Variants in MAGI1 observed in about 807,000 individuals in gnomAD.
MAGI1 encodes membrane-associated guanylate kinase, WW and PDZ domain-containing protein 1.
MAGI1 carries 58 observed loss-of-function variants against 139.9 expected under a neutral mutation model. The ratio of observed to expected loss-of-function variants is 0.41; its 90% CI spans 0.34 to 0.52. The LOEUF (loss-of-function observed/expected upper bound fraction) is 0.52, where lower values mean the gene tolerates loss of function less well. Ranked by LOEUF, MAGI1 falls within the 20% of genes least tolerant of loss-of-function variation. The pLI, the probability that MAGI1 is intolerant of heterozygous loss-of-function variation, is 0.12. For synonymous variants in MAGI1, 812 were observed against 737.9 expected (o/e 1.10, Z -1.63); for missense variants, 1,874 against 1,901.6 (o/e 0.99, Z 0.27).
chr3:65,412,960 A>C (rs1018466327), intron 12 of MAGI1, among the ~76,000 whole-genome samples: 1 of 152,156 alleles, frequency 6.6e-6, no homozygotes, highest in Non-Finnish European at 1.5e-5. Context: ...ATTCTTTGAG[A>C]TCTAAATCTT....
At position 65,491,722 on chromosome 3, in the gene MAGI1, A is replaced by AGACCT. The variant is rs560989707; in HGVS notation, c.550+1785_550+1789dup. 9.8e-5 allele frequency among the ~76,000 whole-genome samples: 14 copies of AGACCT among 143,024 alleles called. No individual in the cohort carries two copies. In the South Asian group the frequency reaches 3.1e-3, roughly 32 times the overall value. 93.8% of individuals were successfully genotyped at this position (143,024 alleles called of 152,430 possible). ...CCCTCCCTTCCCTCTATACACTCCT[A>AGACCT]GACCTCGATTACTCTCAGACCCCTG... is the stretch of plus-strand genomic sequence containing the variant. On this transcript the variant is annotated intron_variant, in intron 3 of 22. Coordinates refer to ENST00000402939, the MANE Select transcript of MAGI1 (RefSeq NM_001033057.2).
intron 11 of MAGI1, among the ~76,000 whole-genome samples, 198 bp downstream of exon 11, chr3:65,430,501 C>G (rs574136743): frequency 1.3e-5 from 2 of 152,274 alleles, no homozygotes; most frequent in South Asian, 4.2e-4. Context: ...AATGACTTCA[C>G]AGGTTTTAAT....
At chr3:65,680,258 C>G (rs1483933900) in intron 1 of MAGI1, among the ~76,000 whole-genome samples, 1 of 152,208 alleles carries the variant, frequency 6.6e-6, no homozygotes, top group African/African-American at 2.4e-5. Context: ...CAGCCCTCAG[C>G]AGGTCTTCGA....
At chr3:65,772,944 G>A (rs1426118602) in intron 1 of MAGI1, among the ~76,000 whole-genome samples, 1 of 152,152 alleles carries the variant, frequency 6.6e-6, no homozygotes, top group Non-Finnish European at 1.5e-5. Flanking sequence ...AAAGTTACCA[G>A]GAAGCACAGA....
At chr3:66,027,275 AATAAATAAATAAATAAATAAAT>A (rs1352410191) in intron 1 of MAGI1, among the ~76,000 whole-genome samples, 5 of 29,232 alleles carry the variant, frequency 1.7e-4, no homozygotes, top group South Asian at 8.4e-4. Flanking sequence ...CAAATAAATA[AATAAATAAATAAATAAATAAAT>A]AAATAAATAA....
At chr3:65,620,493 A>T (rs6788005) in intron 2 of MAGI1, among the ~76,000 whole-genome samples, 111,210 of 152,108 alleles carry the variant, frequency 0.73, 41,287 homozygotes, top group African/African-American at 0.77. Context: ...CTGATCACCT[A>T]TGGCTTTAAT....
intron 1 of MAGI1, among the ~76,000 whole-genome samples, chr3:65,710,204 A>T (rs1276070658): frequency 1.3e-5 from 2 of 152,000 alleles, no homozygotes; most frequent in African/African-American, 4.8e-5. Context: ...GTGAAAAGGC[A>T]AGCTTAAACT....
Position 65,794,310 on chromosome 3 carries a change from C to T in MAGI1, c.314-172222G>A, listed in dbSNP as rs1003261203. ...CAACAAAAGACTGAGACCTAGAATA[C>T]ATAAGGAACTCTCAAAACTCAACAG... On this transcript the variant is annotated intron_variant, in intron 1 of 22. Coordinates refer to ENST00000402939, the MANE Select transcript of MAGI1 (RefSeq NM_001033057.2). 4.6e-5 allele frequency among the ~76,000 whole-genome samples: 7 copies of T among 152,212 alleles called. 1 individual carries two copies. Among genetic ancestry groups the T allele is most frequent in the Admixed American group, 3.3e-4 (5 of 15,284 alleles).
intron 1 of MAGI1, among the ~76,000 whole-genome samples, chr3:65,988,389 G>C (rs568179198): frequency 1.3e-5 from 2 of 152,320 alleles, no homozygotes; most frequent in East Asian, 1.9e-4. Context: ...CCTAAGTACA[G>C]TGGCAGATTG....
At chr3:65,812,738 T>C (rs1471174604) in intron 1 of MAGI1, among the ~76,000 whole-genome samples, 8 of 143,150 alleles carry the variant, frequency 5.6e-5, no homozygotes. Flanking sequence ...GAGACAGAGT[T>C]TTGCTCTTGT....
chr3:65,740,846 T>G (rs1189918365), intron 1 of MAGI1, among the ~76,000 whole-genome samples: 2 of 152,242 alleles, frequency 1.3e-5, no homozygotes, highest in East Asian at 3.9e-4. Context: ...GACCCCATTT[T>G]TGTATGCACA....
chr3:65,621,941 A>ACACAC (rs1553681883), intron 2 of MAGI1, 31 bp downstream of exon 2: 1,033 of 1,442,566 alleles, frequency 7.2e-4, no homozygotes, highest in Non-Finnish European at 8.5e-4. Context: ...ACACACACAC[A>ACACAC]GCAGTGAGAT....
intron 2 of MAGI1, among the ~76,000 whole-genome samples, chr3:65,499,579 C>T (rs1035977330): frequency 7.2e-5 from 11 of 151,748 alleles, no homozygotes; most frequent in African/African-American, 2.2e-4. Context: ...GCTGAGATTG[C>T]GCCACTGCAC....
At chr3:65,744,918 G>A (rs2107796538) in intron 1 of MAGI1, among the ~76,000 whole-genome samples, 1 of 151,884 alleles carries the variant, frequency 6.6e-6, no homozygotes, top group East Asian at 1.9e-4. Context: ...TTCATCACCT[G>A]GAAGAGAAAT....
intron 1 of MAGI1, among the ~76,000 whole-genome samples, chr3:65,706,563 G>A (rs1206842481): frequency 2.0e-5 from 3 of 152,212 alleles, no homozygotes; most frequent in Non-Finnish European, 4.4e-5. Context: ...AACAGACTGT[G>A]CCAAATAAGG....
chr3:65,774,412 T>C (rs374635686), intron 1 of MAGI1, among the ~76,000 whole-genome samples: 5 of 152,338 alleles, frequency 3.3e-5, no homozygotes, highest in Admixed American at 6.5e-5. Context: ...TGTATCCCTC[T>C]TGGATAATTA....
At chr3:65,706,167 C>T (rs2030242869) in intron 1 of MAGI1, among the ~76,000 whole-genome samples, 2 of 152,130 alleles carry the variant, frequency 1.3e-5, no homozygotes, top group Admixed American at 6.5e-5. Context: ...GTAGATGGTA[C>T]ACGGGCTAGT....
intron 1 of MAGI1, among the ~76,000 whole-genome samples, chr3:65,671,490 C>T (rs1415909022): frequency 6.6e-6 from 1 of 152,116 alleles, no homozygotes; most frequent in Non-Finnish European, 1.5e-5. Flanking sequence ...AAAACCACTG[C>T]TATAAATTAA....
At chr3:65,381,694 T>C (rs1943066926) in intron 16 of MAGI1, among the ~76,000 whole-genome samples, 183 bp downstream of exon 16, 1 of 152,130 alleles carries the variant, frequency 6.6e-6, no homozygotes, top group African/African-American at 2.4e-5. Flanking sequence ...CACATTAAAG[T>C]ACTTTAGAAT....
Sources: allele counts gnomAD v4.1 joint callset (sites outside exome capture counted in the v4.1 genomes callset), GRCh38; gene constraint gnomAD v4.1.1; transcripts MANE v1.5; gene names NCBI Gene and HGNC (gene_info 2026-07-23, HGNC 2026-07-21).